The following HDAC9 variants were observed in gnomAD, a reference collection of about 807,000 sequenced individuals.
HDAC9 encodes histone deacetylase 9.
Under a neutral mutation model 139.4 loss-of-function variants are expected in HDAC9, and 41 were observed. The observed-to-expected ratio is 0.29, with a 90% CI of 0.23 to 0.38. HDAC9 has a LOEUF of 0.38. HDAC9 is among the 10% of genes least tolerant of loss of function. HDAC9 has a pLI of 1.00. For missense variants in HDAC9, 1,147 were observed against 1,297.0 expected (o/e 0.88, Z 1.78); for synonymous variants, 517 against 476.2 (o/e 1.09, Z -1.12).
At chr7:18,839,081 A>G (rs1312413142) in intron 21 of HDAC9, among the ~76,000 whole-genome samples, 1 of 152,042 alleles carries the variant, frequency 6.6e-6, no homozygotes, top group Non-Finnish European at 1.5e-5. Flanking sequence ...AAATAATTGA[A>G]GGGTATACTT....
intron 1 of HDAC9, among the ~76,000 whole-genome samples, chr7:18,335,648 A>G (rs2128653904): frequency 6.6e-6 from 1 of 151,718 alleles, no homozygotes; most frequent in Admixed American, 6.6e-5. Context: ...ATTCTCAGGT[A>G]AAGGGTGGGG....
chr7:18,546,271 C>A (rs1814784675), intron 2 of HDAC9, among the ~76,000 whole-genome samples: 1 of 152,100 alleles, frequency 6.6e-6, no homozygotes, highest in African/African-American at 2.4e-5. Context: ...TGGAAATATT[C>A]TTGGTATAGT....
intron 17 of HDAC9, among the ~76,000 whole-genome samples, chr7:18,797,401 A>G (rs1174745432): frequency 6.6e-6 from 1 of 152,214 alleles, no homozygotes; most frequent in Non-Finnish European, 1.5e-5. Flanking sequence ...CTAACAAAAT[A>G]TAATAATAAA....
Position 18,666,204 on chromosome 7 carries a change from C to T in HDAC9, c.1468-9C>T, listed in dbSNP as rs1182213433. ...ACTGAATTTTGAACCCCTGAACACT[C>T]TCTTCTAGCTGCTTTCGAAATCTAT... is the stretch of plus-strand genomic sequence containing the variant. On this transcript the variant is annotated splice_polypyrimidine_tract_variant and intron_variant, in intron 11 of 25. Coordinates refer to ENST00000686413, the MANE Select transcript of HDAC9 (RefSeq NM_178425.4). 4 of 1,599,606 alleles carry T rather than the reference C, an allele frequency of 2.5e-6. No individual in the cohort carries two copies. Among genetic ancestry groups the T allele is most frequent in the East Asian group, 2.2e-5 (1 of 44,546 alleles).
At chr7:18,853,822 A>G (rs1358845133) in intron 21 of HDAC9, among the ~76,000 whole-genome samples, 3 of 152,190 alleles carry the variant, frequency 2.0e-5, no homozygotes, top group Non-Finnish European at 4.4e-5. Context: ...AGCCAAATGA[A>G]TACATTTTAA....
Position 18,207,653 on chromosome 7 carries a change from T to TAC in HDAC9, c.25+45317_25+45318dup, listed in dbSNP as rs575317080. Among the ~76,000 whole-genome samples, 191 of 149,636 alleles carry TAC rather than the reference T, an allele frequency of 1.3e-3. 1 individual carries two copies. Among genetic ancestry groups the TAC allele is most frequent in the African/African-American group, 3.9e-3 (161 of 40,944 alleles). Reference sequence around the variant, plus strand: ...CTTTTGCCACACACGTGTGCATGCATACACACACACACACTTACATACTGT... The same window carrying TAC: ...CTTTTGCCACACACGTGTGCATGCATACACACACACACACACTTACATACTGT... On this transcript the variant is annotated intron_variant, in intron 2 of 12. Coordinates refer to the HDAC9 transcript ENST00000417496.
intron 2 of HDAC9, among the ~76,000 whole-genome samples, chr7:18,248,907 T>A (rs1794737300): frequency 6.6e-6 from 1 of 152,234 alleles, no homozygotes; most frequent in Non-Finnish European, 1.5e-5. Flanking sequence ...ACAGTCATTA[T>A]CCTGCAACAA....
In HDAC9 at chr7:18,585,396, G is replaced by A. The variant is rs1425384570; in HGVS notation, c.138G>A (p.Leu46=). 2 of 1,613,842 alleles carry A rather than the reference G, an allele frequency of 1.2e-6. No homozygotes were observed. Among genetic ancestry groups the A allele is most frequent in the Non-Finnish European group, 1.7e-6 (2 of 1,179,910 alleles). ...ACCCTGTTGTCCGTGAGAAGCAATT[G>A]CAGCAGGAATTACTTCTTATCCAGC... ...VVDPVVREKQ[L]QQELLLIQQQ... is the part of the protein sequence containing the mutation. The change falls in exon 3 of 26, where the codon TTG becomes TTA. Residue 46 remains leucine (L), a synonymous_variant. Coordinates refer to ENST00000686413, the MANE Select transcript of HDAC9 (RefSeq NM_178425.4).
chr7:18,962,809 A>C (rs138010056), intron 24 of HDAC9, among the ~76,000 whole-genome samples: 73 of 152,310 alleles, frequency 4.8e-4, no homozygotes, highest in African/African-American at 1.7e-3. Flanking sequence ...TCTAGTCCTC[A>C]CATAATTCTG....
intron 25 of HDAC9, among the ~76,000 whole-genome samples, chr7:18,979,100 C>T (rs1217631962): frequency 6.6e-6 from 1 of 152,114 alleles, no homozygotes; most frequent in Non-Finnish European, 1.5e-5. Flanking sequence ...GGCAACCTTT[C>T]TCATGAACGT....
intron 13 of HDAC9, among the ~76,000 whole-genome samples, chr7:18,744,596 T>C (rs1047327406): frequency 6.6e-6 from 1 of 152,192 alleles, no homozygotes; most frequent in African/African-American, 2.4e-5. Context: ...AACTCAGCTT[T>C]CTTTATAGAC....
intron 17 of HDAC9, 72 bp from the exon 18 acceptor site, chr7:18,829,089 G>C (rs1585114599): frequency 1.9e-6 from 2 of 1,043,986 alleles, no homozygotes; most frequent in East Asian, 4.7e-5. Flanking sequence ...TGTTGTGCCT[G>C]GAGATCCAAG....
chr7:18,763,429 A>G (rs964268756), intron 15 of HDAC9, among the ~76,000 whole-genome samples: 1 of 152,204 alleles, frequency 6.6e-6, no homozygotes, highest in Non-Finnish European at 1.5e-5. Flanking sequence ...GAATACATAA[A>G]GATTATCCAA....
intron 23 of HDAC9, among the ~76,000 whole-genome samples, chr7:18,941,344 G>A (rs530326536): frequency 6.6e-6 from 1 of 152,148 alleles, no homozygotes; most frequent in Admixed American, 6.6e-5. Context: ...GCTAAACTTA[G>A]TGATTGTGTT....
At chr7:18,712,764 A>G (rs1031485920) in intron 12 of HDAC9, among the ~76,000 whole-genome samples, 2 of 152,244 alleles carry the variant, frequency 1.3e-5, no homozygotes, top group Non-Finnish European at 2.9e-5. Flanking sequence ...TATAATTTTG[A>G]ATAGCAATGT....
intron 2 of HDAC9, among the ~76,000 whole-genome samples, chr7:18,231,445 T>G (rs1793454889): frequency 6.6e-6 from 1 of 152,186 alleles, no homozygotes; most frequent in Non-Finnish European, 1.5e-5. Flanking sequence ...GGCTAGTGTT[T>G]AGGACTACCT....
At chr7:18,384,801 G>T (rs555086082) in intron 1 of HDAC9, among the ~76,000 whole-genome samples, 1 of 152,176 alleles carries the variant, frequency 6.6e-6, no homozygotes, top group Admixed American at 6.5e-5. Context: ...TCAAGTCCAG[G>T]CCTGATCTTT....
At chr7:18,695,615 T>C (rs1782985621) in intron 12 of HDAC9, among the ~76,000 whole-genome samples, 3 of 152,192 alleles carry the variant, frequency 2.0e-5, no homozygotes, top group Admixed American at 2.0e-4. Flanking sequence ...AGGTTAGAGA[T>C]ACAGGATTTA....
chr7:18,886,758 A>G (rs1800190720), intron 22 of HDAC9, among the ~76,000 whole-genome samples: 1 of 152,236 alleles, frequency 6.6e-6, no homozygotes, highest in Admixed American at 6.5e-5. Context: ...AAATTAAAAT[A>G]ACAAAATGAA....
Sources: gnomAD v4.1 joint callset for allele counts (sites outside exome capture counted in the v4.1 genomes callset) on GRCh38, gnomAD v4.1.1 for gene constraint, MANE v1.5 for transcripts, NCBI Gene and HGNC (gene_info 2026-07-23, HGNC 2026-07-21) for gene names.